GPR183: variants seen among roughly 807,000 people sequenced by gnomAD.
GPR183 encodes G protein-coupled receptor 183.
In GPR183, 9 loss-of-function variants were observed where a neutral mutation model predicts 19.7. That is an observed-to-expected ratio of 0.46 (90% confidence interval 0.28 to 0.80). The LOEUF (loss-of-function observed/expected upper bound fraction) is 0.80. GPR183 is among the 30% of genes least tolerant of loss of function. The pLI is 0.13. For missense variants in GPR183, 368 were observed against 446.7 expected (o/e 0.82, Z 1.59); for synonymous variants, 160 against 155.1 (o/e 1.03, Z -0.24).
intron 1 of GPR183, among the ~76,000 whole-genome samples, chr13:99,302,742 T>G (rs2044274855): frequency 6.6e-6 from 1 of 152,216 alleles, no homozygotes; most frequent in Non-Finnish European, 1.5e-5. Context: ...GTGACCAGCA[T>G]AGTCAGAGCC....
Position 99,295,686 on chromosome 13 carries a change from A to G in GPR183, c.460T>C (p.Phe154Leu). Residue 154 changes from phenylalanine to leucine, a missense_variant, in exon 2 of 2, where the codon TTT (phenylalanine) becomes CTT (leucine). Transcript: ENST00000376414. This position sits in a 1 kb window ranked among gnomAD's most constrained non-coding sequence, Gnocchi z 4.1. ...TGAGCAAATACTAGAATCCAGACAA[A>G]TATGCACACGCCTTTTGCATGTTCA... is the stretch of plus-strand genomic sequence containing the variant. ...RIEHAKGVCI[F>L]VWILVFAQTL... The G allele has an allele frequency of 6.2e-7, 1 of 1,614,182 alleles. No homozygotes were observed. The highest frequency in any genetic ancestry group is 8.5e-7 in the Non-Finnish European group (1 of 1,180,038).
intron 1 of GPR183, among the ~76,000 whole-genome samples, chr13:99,299,978 A>G (rs536833596): frequency 3.3e-5 from 5 of 152,352 alleles, no homozygotes; most frequent in African/African-American, 1.2e-4. Flanking sequence ...TCCTTAGCAC[A>G]GGCAGCTGTT....
intron 1 of GPR183, among the ~76,000 whole-genome samples, chr13:99,298,587 G>T (rs2138724899): frequency 6.6e-6 from 1 of 152,194 alleles, no homozygotes; most frequent in African/African-American, 2.4e-5. Flanking sequence ...AGCTAGAAAA[G>T]AACTGTTTGT....
At chr13:99,297,058 G>A (rs551950709) in intron 1 of GPR183, among the ~76,000 whole-genome samples, 2 of 152,280 alleles carry the variant, frequency 1.3e-5, no homozygotes, top group African/African-American at 4.8e-5. Flanking sequence ...ATATTCTACA[G>A]TCTTCCAATG....
At chr13:99,299,861 T>C (rs2044232334) in intron 1 of GPR183, among the ~76,000 whole-genome samples, 1 of 152,192 alleles carries the variant, frequency 6.6e-6, no homozygotes, top group Non-Finnish European at 1.5e-5. Flanking sequence ...TTTTATATTT[T>C]GCACAGGAAA....
At chr13:99,298,316 C>T (rs1447763656) in intron 1 of GPR183, among the ~76,000 whole-genome samples, 4 of 152,062 alleles carry the variant, frequency 2.6e-5, no homozygotes, top group Non-Finnish European at 5.9e-5. Flanking sequence ...CATTGCTTGA[C>T]TACAGTGCAG....
chr13:99,306,325 G>A (rs1057081769), intron 1 of GPR183, among the ~76,000 whole-genome samples: 1 of 152,158 alleles, frequency 6.6e-6, no homozygotes, highest in Non-Finnish European at 1.5e-5. Context: ...GAGAGGCAAT[G>A]TTGTAAGGAC....
intron 1 of GPR183, among the ~76,000 whole-genome samples, chr13:99,303,905 C>T (rs893695056): frequency 3.3e-5 from 5 of 152,184 alleles, no homozygotes; most frequent in Non-Finnish European, 5.9e-5. Flanking sequence ...TCCGTGTTCT[C>T]CCTCACCTGC....
intron 1 of GPR183, among the ~76,000 whole-genome samples, chr13:99,305,386 G>A (rs1011691507): frequency 6.6e-6 from 1 of 152,150 alleles, no homozygotes; most frequent in African/African-American, 2.4e-5. Flanking sequence ...CACAGGCCAC[G>A]TCCAGGGCTG....
Position 99,294,673 on chromosome 13 carries a change from T to C in GPR183, c.*387A>G, listed in dbSNP as rs1179708675. On this transcript the variant is annotated 3_prime_UTR_variant, in exon 2 of 2. Transcript: ENST00000376414. ...GAGAGAAATTTGGATTTAAGAAATATGTTATTTAAAAAGTATGTTACAGTA... is the reference window on the plus strand; with the variant it reads ...GAGAGAAATTTGGATTTAAGAAATACGTTATTTAAAAAGTATGTTACAGTA... 1 of 154,986 alleles carries C rather than the reference T, an allele frequency of 6.5e-6. No individual in the cohort carries two copies. The highest frequency in any genetic ancestry group is 1.4e-5 in the Non-Finnish European group (1 of 70,068). The allele number at this position is 154,986 out of a possible 1,614,324, so 9.6% of individuals were successfully genotyped here.
At chr13:99,306,228 CA>C (rs1212403773) in intron 1 of GPR183, among the ~76,000 whole-genome samples, 1 of 152,110 alleles carries the variant, frequency 6.6e-6, no homozygotes, top group Non-Finnish European at 1.5e-5. Context: ...ATATCCATAA[CA>C]TATCTGTTGG....
chr13:99,295,660 C>T lies in GPR183; in HGVS notation c.486G>A (p.Gln162=), dbSNP rs754711229. 4.3e-6 allele frequency: 7 copies of T among 1,614,112 alleles called. No individual in the cohort carries two copies. The highest frequency in any genetic ancestry group is 5.9e-6 in the Non-Finnish European group (7 of 1,180,032). The part of the protein sequence containing the change: ...CIFVWILVFA[Q]TLPLLINPMS... ...TAGGGTTGATGAGGAGTGGGAGTGT[C>T]TGAGCAAATACTAGAATCCAGACAA... The change falls in exon 2 of 2, where the codon CAG becomes CAA. Residue 162 remains glutamine (Q), a synonymous_variant. Coordinates refer to ENST00000376414, the MANE Select transcript of GPR183 (RefSeq NM_004951.5). This position sits in a 1 kb window ranked among gnomAD's most constrained non-coding sequence, Gnocchi z 4.1.
At position 99,294,927 on chromosome 13, in the gene GPR183, A is replaced by G. The variant is rs2044144927; in HGVS notation, c.*133T>C. ...TCTTGGGCTTACTTCCGAGTTGGAG[A>G]TGGGAAAGTGCCCAATGAAAGAAAT... On this transcript the variant is annotated 3_prime_UTR_variant, in exon 2 of 2. Transcript: ENST00000376414. 2.1e-6 allele frequency: 2 copies of G among 947,168 alleles called. No individual in the cohort carries two copies. Among genetic ancestry groups the G allele is most frequent in the African/African-American group, 1.7e-5 (1 of 60,270 alleles). 58.7% of individuals were successfully genotyped at this position (947,168 alleles called of 1,614,324 possible).
At chr13:99,299,102 T>C (rs549038067) in intron 1 of GPR183, among the ~76,000 whole-genome samples, 102 of 152,298 alleles carry the variant, frequency 6.7e-4, no homozygotes, top group African/African-American at 2.3e-3. Context: ...GTAACACTTA[T>C]GTGACACTCA....
intron 1 of GPR183, among the ~76,000 whole-genome samples, chr13:99,303,102 C>T (rs936443763): frequency 1.3e-5 from 2 of 152,150 alleles, no homozygotes; most frequent in Non-Finnish European, 2.9e-5. Context: ...CTGTGACCAG[C>T]CTGCCAACCC....
chr13:99,295,735 T>C lies in GPR183; in HGVS notation c.411A>G (p.Leu137=), dbSNP rs530898155. The C allele has an allele frequency of 3.0e-4, 478 of 1,614,088 alleles. 5 individuals carry two copies. In the South Asian group the frequency reaches 5.0e-3, roughly 17 times the overall value. ...CAATCCTTTTTATCTTGTTGTAGCG[T>C]AGAGGGTGCACCACAGCAATGAAGC... ...IDRFIAVVHP[L]RYNKIKRIEH... is the part of the protein sequence containing the mutation. Residue 137 remains leucine, a synonymous_variant, in exon 2 of 2, where the codon CTA becomes CTG. Coordinates refer to ENST00000376414, the MANE Select transcript of GPR183 (RefSeq NM_004951.5). This position sits in a 1 kb window ranked among gnomAD's most constrained non-coding sequence, Gnocchi z 4.1.
intron 1 of GPR183, among the ~76,000 whole-genome samples, chr13:99,306,760 A>G (rs531972720): frequency 2.0e-5 from 3 of 152,280 alleles, no homozygotes; most frequent in East Asian, 3.9e-4. Flanking sequence ...CACTTATCTA[A>G]TTAGTAGTAT....
At chr13:99,299,822 C>T (rs905957034) in intron 1 of GPR183, among the ~76,000 whole-genome samples, 4 of 152,170 alleles carry the variant, frequency 2.6e-5, no homozygotes, top group African/African-American at 9.7e-5. Flanking sequence ...ATCTACTTCG[C>T]AGGTGATAAA....
chr13:99,298,841 C>T (rs2044215150), intron 1 of GPR183, among the ~76,000 whole-genome samples: 1 of 152,118 alleles, frequency 6.6e-6, no homozygotes, highest in Non-Finnish European at 1.5e-5. Context: ...GTGAAAATTC[C>T]AGGCAAGGGT....
Sources: gnomAD v4.1 joint callset for allele counts (sites outside exome capture counted in the v4.1 genomes callset) on GRCh38, gnomAD v4.1.1 for gene constraint, Gnocchi (gnomAD v3.1) non-coding constraint, MANE v1.5 for transcripts, NCBI Gene and HGNC (gene_info 2026-07-23, HGNC 2026-07-21) for gene names.